The following CYREN variants were observed in gnomAD, a reference collection of about 807,000 sequenced individuals.
CYREN encodes cell cycle regulator of NHEJ, also known as cell cycle regulator of non-homologous end joining.
CYREN carries 7 observed loss-of-function variants against 9.7 expected under a neutral mutation model. The ratio of observed to expected loss-of-function variants is 0.72; its 90% CI spans 0.41 to 1.36. The LOEUF (loss-of-function observed/expected upper bound fraction) is 1.36. Among genes scored for constraint, CYREN ranks in the 40% most tolerant of loss-of-function variants. CYREN has a pLI of 0.01. For missense variants in CYREN, 215 were observed against 198.1 expected (o/e 1.09, Z -0.51); for synonymous variants, 76 against 77.9 (o/e 0.98, Z 0.13).
chr7:135,169,078 G>T lies in CYREN; in HGVS notation c.-138-18C>A. ...TTTGATTCCTACAAAGAACAATAAA[G>T]TCCGGTGAATTCCCATACCTCCAGT... On this transcript the variant is annotated intron_variant, in intron 1 of 3. Transcript: ENST00000393114. 1.4e-6 allele frequency: 1 copy of T among 735,440 alleles called. No individual in the cohort carries two copies. The highest frequency in any genetic ancestry group is 2.1e-6 in the Non-Finnish European group (1 of 466,484). The allele number at this position is 735,440 out of a possible 1,614,324, so 45.6% of individuals were successfully genotyped here.
intron 2 of CYREN, among the ~76,000 whole-genome samples, chr7:135,157,916 C>T (rs559747093): frequency 6.6e-6 from 1 of 152,134 alleles, no homozygotes; most frequent in Non-Finnish European, 1.5e-5. Context: ...GGCTTGTGAA[C>T]AGAGAAGGTG....
exon 3 of CYREN, chr7:135,093,636 C>T (rs1334575254): frequency 3.3e-5 from 5 of 152,180 alleles, no homozygotes; most frequent in African/African-American, 9.7e-5. Flanking sequence ...GGCAAGATAA[C>T]TCTGGTCATG....
intron 2 of CYREN, among the ~76,000 whole-genome samples, chr7:135,104,762 T>C (rs1431489331): frequency 6.6e-6 from 1 of 151,596 alleles, no homozygotes; most frequent in African/African-American, 2.4e-5. Context: ...GCCCACTTTT[T>C]AATGGGGCTG....
In CYREN at chr7:135,168,305, CCCCCCCG is replaced by C. The variant is rs1164039114; in HGVS notation, c.137+474_137+480del. ...GGAGACTCACCACCCCCCCCCCGCC[CCCCCCCG>C]GCAATTACCGTCATTCAACTAACTC... On this transcript the variant is annotated intron_variant, in intron 2 of 3. Coordinates refer to ENST00000393114, the MANE Select transcript of CYREN (RefSeq NM_024033.4). The C allele has an allele frequency of 2.7e-3, 233 of 87,840 alleles. 39 individuals are homozygous for C. In the East Asian group the frequency reaches 0.06, roughly 23 times the overall value. The allele number at this position is 87,840 out of a possible 1,614,324, so 5.4% of individuals were successfully genotyped here.
At chr7:135,157,851 T>C (rs745380728) in intron 2 of CYREN, among the ~76,000 whole-genome samples, 3 of 152,166 alleles carry the variant, frequency 2.0e-5, no homozygotes, top group Non-Finnish European at 2.9e-5. Flanking sequence ...TGCCTGATTG[T>C]TAATTCAGAC....
intron 2 of CYREN, among the ~76,000 whole-genome samples, chr7:135,114,582 C>T (rs1323484673): frequency 1.3e-5 from 2 of 152,038 alleles, no homozygotes; most frequent in Non-Finnish European, 2.9e-5. Flanking sequence ...TGATTCCTCT[C>T]TTATTCTCTC....
exon 3 of CYREN, chr7:135,092,886 C>T (rs1822059979): frequency 6.6e-6 from 1 of 151,776 alleles, no homozygotes; most frequent in African/African-American, 2.4e-5. Context: ...GAAAATTAAA[C>T]AATATAATAT....
chr7:135,129,345 T>A, intron 2 of CYREN: 2 of 1,067,718 alleles, frequency 1.9e-6, no homozygotes, highest in Admixed American at 1.7e-5. Context: ...ATTAATAGAC[T>A]TACTAAATGA....
intron 2 of CYREN, among the ~76,000 whole-genome samples, chr7:135,108,707 GT>G (rs1825150617): frequency 6.6e-6 from 1 of 152,270 alleles, no homozygotes; most frequent in African/African-American, 2.4e-5. Context: ...TCTTGCAGGG[GT>G]TTCCTGTATT....
At chr7:135,117,165 G>T (rs892748461) in intron 2 of CYREN, among the ~76,000 whole-genome samples, 18 of 152,250 alleles carry the variant, frequency 1.2e-4, no homozygotes, top group African/African-American at 2.2e-4. Context: ...ATTATATTTT[G>T]ATTTGCATAA....
chr7:135,134,773 C>A, intron 2 of CYREN: 1 of 1,343,818 alleles, frequency 7.4e-7, no homozygotes, highest in Non-Finnish European at 1.0e-6. Flanking sequence ...TATACTATGA[C>A]AACATACCTA....
intron 2 of CYREN, among the ~76,000 whole-genome samples, chr7:135,126,549 A>G (rs901332809): frequency 1.3e-5 from 2 of 152,240 alleles, no homozygotes; most frequent in Non-Finnish European, 2.9e-5. Flanking sequence ...TTTAAATTTC[A>G]TATGGAATCA....
chr7:135,115,706 T>C lies in CYREN; in HGVS notation n.357-21124A>G, dbSNP rs1826224464. 9 of 1,070,148 alleles carry C rather than the reference T, an allele frequency of 8.4e-6. No homozygotes were observed. In the South Asian group the frequency reaches 1.6e-4, roughly 19 times the overall value. 66.3% of individuals were successfully genotyped at this position (1,070,148 alleles called of 1,614,324 possible). On this transcript the variant is annotated intron_variant and non_coding_transcript_variant, in intron 2 of 2. Coordinates refer to the CYREN transcript ENST00000459937. ...TTTATTATCCTACGAAAAAAAAATCTGCTCTTGAAAATGATGTCAGCTCCA... is the reference window on the plus strand; with the variant it reads ...TTTATTATCCTACGAAAAAAAAATCCGCTCTTGAAAATGATGTCAGCTCCA...
intron 2 of CYREN, among the ~76,000 whole-genome samples, chr7:135,123,587 A>T (rs1827443734): frequency 6.6e-6 from 1 of 152,150 alleles, no homozygotes; most frequent in African/African-American, 2.4e-5. Context: ...AAGACACATA[A>T]TCTTCAGATT....
At chr7:135,093,305 A>T (rs749830736) in exon 3 of CYREN, 3 of 152,124 alleles carry the variant, frequency 2.0e-5, no homozygotes, top group Non-Finnish European at 4.4e-5. Context: ...ACACACACAC[A>T]TACACACGCC....
downstream of CYREN, among the ~76,000 whole-genome samples, chr7:135,163,017 T>C (rs937431042): frequency 2.6e-5 from 4 of 152,226 alleles, no homozygotes; most frequent in Admixed American, 2.0e-4. Flanking sequence ...GATCCAATGA[T>C]TGCACTTATA....
intron 2 of CYREN, among the ~76,000 whole-genome samples, chr7:135,106,467 A>T (rs1824735960): frequency 6.6e-6 from 1 of 152,208 alleles, no homozygotes; most frequent in Non-Finnish European, 1.5e-5. Flanking sequence ...ATCTATTGAG[A>T]AAATCACGTG....
chr7:135,122,645 G>A (rs1306030329), intron 2 of CYREN, among the ~76,000 whole-genome samples: 1 of 152,120 alleles, frequency 6.6e-6, no homozygotes, highest in Non-Finnish European at 1.5e-5. Context: ...GCATCAGGCT[G>A]GTACCCCTTG....
At chr7:135,096,032 G>A (rs1822617575) in intron 2 of CYREN, among the ~76,000 whole-genome samples, 1 of 152,032 alleles carries the variant, frequency 6.6e-6, no homozygotes, top group Non-Finnish European at 1.5e-5. Context: ...CATACCTGTA[G>A]TCCCACCTAC....
Sources: allele counts gnomAD v4.1 joint callset (sites outside exome capture counted in the v4.1 genomes callset), GRCh38; gene constraint gnomAD v4.1.1; transcripts MANE v1.5; gene names NCBI Gene and HGNC (gene_info 2026-07-23, HGNC 2026-07-21).